The following BRD10 variants were observed in gnomAD, a reference collection of about 807,000 sequenced individuals.
BRD10 encodes uncharacterized bromodomain-containing protein 10.
At chr9:5,950,025 A>G in the BRD10 span, among the ~76,000 whole-genome samples, 1 of 152,178 alleles carries the variant, frequency 6.6e-6, no homozygotes, top group Non-Finnish European at 1.5e-5. Flanking sequence ...AAATCCAACA[A>G]TTTCCCCTAC....
chr9:5,911,980 G>C, the BRD10 span, among the ~76,000 whole-genome samples: 12 of 152,202 alleles, frequency 7.9e-5, no homozygotes, highest in Admixed American at 7.2e-4. Context: ...GCTTTGGGTA[G>C]CATGGATGTT....
At chr9:5,991,750 A>T in the BRD10 span, among the ~76,000 whole-genome samples, 2 of 151,328 alleles carry the variant, frequency 1.3e-5, no homozygotes, top group African/African-American at 4.9e-5. Context: ...AAAAAAGGCA[A>T]ATCAGATGCC....
chr9:5,921,545 G>T, the BRD10 span: 1 of 1,613,886 alleles, frequency 6.2e-7, no homozygotes, highest in Admixed American at 1.7e-5. Context: ...TCCATTGCCA[G>T]AAGAAAGAAT....
At chr9:5,946,306 T>A in the BRD10 span, among the ~76,000 whole-genome samples, 2 of 152,076 alleles carry the variant, frequency 1.3e-5, no homozygotes, top group African/African-American at 2.4e-5. Flanking sequence ...AAATATGTAT[T>A]TAAATAACCC....
the BRD10 span, among the ~76,000 whole-genome samples, chr9:5,958,655 A>G: frequency 2.6e-5 from 4 of 152,362 alleles, no homozygotes; most frequent in East Asian, 5.8e-4. Flanking sequence ...AGAACAGAAA[A>G]AAAAAGGTAC....
chr9:5,969,790 C>A, the BRD10 span, among the ~76,000 whole-genome samples: 1 of 152,154 alleles, frequency 6.6e-6, no homozygotes, highest in East Asian at 1.9e-4. Context: ...AGGTGATCCG[C>A]CTGCCTCGGC....
the BRD10 span, among the ~76,000 whole-genome samples, chr9:5,942,868 A>G: frequency 6.6e-6 from 1 of 152,104 alleles, no homozygotes; most frequent in East Asian, 1.9e-4. Context: ...AAATATTTGT[A>G]GTTTATGCTT....
the BRD10 span, among the ~76,000 whole-genome samples, chr9:6,006,387 T>C: frequency 6.6e-6 from 1 of 152,212 alleles, no homozygotes; most frequent in South Asian, 2.1e-4. Flanking sequence ...CCAAAAACAT[T>C]GAATTTTTCC....
the BRD10 span, among the ~76,000 whole-genome samples, chr9:5,975,067 T>C: frequency 6.6e-6 from 1 of 152,116 alleles, no homozygotes; most frequent in Non-Finnish European, 1.5e-5. Context: ...CTACTAGGCA[T>C]GCAACAATGC....
At chr9:5,940,399 T>TGA in the BRD10 span, among the ~76,000 whole-genome samples, 1 of 152,096 alleles carries the variant, frequency 6.6e-6, no homozygotes, top group Non-Finnish European at 1.5e-5. Flanking sequence ...TTCACCATGT[T>TGA]AGCCAGGCTG....
the BRD10 span, among the ~76,000 whole-genome samples, chr9:5,995,909 T>C: frequency 7.2e-5 from 11 of 152,142 alleles, no homozygotes; most frequent in Admixed American, 2.0e-4. Context: ...AGATGACTGA[T>C]ACATTCAGGC....
the BRD10 span, among the ~76,000 whole-genome samples, chr9:5,885,511 C>G: frequency 6.6e-6 from 1 of 152,046 alleles, no homozygotes; most frequent in Non-Finnish European, 1.5e-5. Context: ...GCTGGGATTA[C>G]AGGCATGCAC....
At chr9:5,991,196 A>G in the BRD10 span, among the ~76,000 whole-genome samples, 1 of 121,256 alleles carries the variant, frequency 8.2e-6, no homozygotes, top group Non-Finnish European at 1.9e-5. Context: ...ATATATATAT[A>G]TATATCATGC....
the BRD10 span, among the ~76,000 whole-genome samples, chr9:6,001,100 C>G: frequency 6.6e-6 from 1 of 152,174 alleles, no homozygotes; most frequent in Admixed American, 6.5e-5. Context: ...TTTTGGACAT[C>G]ATCTGCTCCT....
chr9:5,911,012 G>C, the BRD10 span, among the ~76,000 whole-genome samples: 2 of 152,126 alleles, frequency 1.3e-5, no homozygotes, highest in African/African-American at 4.8e-5. Context: ...TTTGTTGATT[G>C]TTTCCTTTGC....
At chr9:5,880,435 A>G in the BRD10 span, among the ~76,000 whole-genome samples, 1 of 151,070 alleles carries the variant, frequency 6.6e-6, no homozygotes, top group Non-Finnish European at 1.5e-5. Context: ...AACTGCTTCA[A>G]CCTGGGAGAC....
At chr9:5,928,349 T>C in the BRD10 span, among the ~76,000 whole-genome samples, 2 of 152,290 alleles carry the variant, frequency 1.3e-5, no homozygotes, top group Admixed American at 6.5e-5. Context: ...ATTACATTTA[T>C]CTCCACCCAA....
At chr9:5,924,989 T>C in the BRD10 span, 4 of 575,654 alleles carry the variant, frequency 6.9e-6, no homozygotes, top group East Asian at 6.4e-5. Flanking sequence ...GTGTCTAAGA[T>C]GCTTAGTTCA....
At chr9:6,005,879 C>G in the BRD10 span, among the ~76,000 whole-genome samples, 1 of 152,150 alleles carries the variant, frequency 6.6e-6, no homozygotes, top group Admixed American at 6.5e-5. Context: ...AATAATCCTA[C>G]TCTATGAAAG....
Sources: allele counts gnomAD v4.1 joint callset (sites outside exome capture counted in the v4.1 genomes callset), GRCh38; gene constraint gnomAD v4.1.1; transcripts MANE v1.5; gene names NCBI Gene and HGNC (gene_info 2026-07-23, HGNC 2026-07-21).